The following DENND1A variants were observed in gnomAD, a reference collection of about 807,000 sequenced individuals.
DENND1A encodes DENN domain-containing protein 1A.
In DENND1A, 51 loss-of-function variants were observed where a neutral mutation model predicts 113.7. That is an observed-to-expected ratio of 0.45 (90% CI 0.36 to 0.57). DENND1A has a LOEUF of 0.57. DENND1A is among the 20% of genes least tolerant of loss of function. DENND1A has a pLI of 0.00. For missense variants in DENND1A, 1,258 were observed against 1,395.9 expected, an observed-to-expected ratio of 0.90 and a Z score of 1.57; for synonymous variants, 565 against 570.8, an observed-to-expected ratio of 0.99 and a Z score of 0.14.
intron 5 of DENND1A, among the ~76,000 whole-genome samples, chr9:123,679,941 A>C (rs2064333548): frequency 6.6e-6 from 1 of 152,034 alleles, no homozygotes; most frequent in Admixed American, 6.5e-5. Context: ...CCCACTGCGG[A>C]GTACCACAGT....
rs60761810 is a variant in DENND1A, at chr9:123,728,479, CAAAAAAAAA to C, written c.302+29215_302+29223del. 6.0e-4 allele frequency among the ~76,000 whole-genome samples: 15 copies of C among 25,196 alleles called. No homozygotes were observed. The South Asian group carries it at 8.9e-3, about 15-fold the overall frequency. 16.5% of individuals were successfully genotyped at this position (25,196 alleles called of 152,430 possible). On this transcript the variant is annotated intron_variant, in intron 5 of 23. Transcript: ENST00000394215. ...GCAACAATTGCAAAACTCTGTCTCC[CAAAAAAAAA>C]AAAAAAAAAAAAAAAAAAAAAACAG... is the stretch of plus-strand genomic sequence containing the variant.
intron 18 of DENND1A, among the ~76,000 whole-genome samples, chr9:123,447,429 A>G (rs2047385995): frequency 6.6e-6 from 1 of 152,210 alleles, no homozygotes; most frequent in Non-Finnish European, 1.5e-5. Flanking sequence ...GAAAATCTGC[A>G]GCACAAATGA....
Position 123,505,812 on chromosome 9 carries a change from A to G in DENND1A, c.994-47915T>C, listed in dbSNP as rs183202460. Among the ~76,000 whole-genome samples the G allele has an allele frequency of 2.6e-5, 4 of 152,326 alleles. No individual in the cohort carries two copies. In the East Asian group the frequency reaches 7.7e-4, roughly 29 times the overall value. On this transcript the variant is annotated intron_variant, in intron 13 of 23. Transcript: ENST00000394215. ...CAAACTAGCTTTGAAATTTAGAAATAGAATATTTAAAGGTCCCCCAGCGAC... is the reference window on the plus strand; with the variant it reads ...CAAACTAGCTTTGAAATTTAGAAATGGAATATTTAAAGGTCCCCCAGCGAC...
At position 123,902,560 on chromosome 9, in the gene DENND1A, A is replaced by C. The variant is rs573510013; in HGVS notation, c.18-23539T>G. 3.9e-4 allele frequency among the ~76,000 whole-genome samples: 60 copies of C among 152,312 alleles called. 1 individual carries two copies. The highest frequency in any genetic ancestry group is 9.6e-5 in the African/African-American group (4 of 41,564). Reference sequence around the variant, plus strand: ...TCAACCACCTGTGGCAAAACAGCAAATCTAGATAGAGCTCTCCTTACTCAA... The same window carrying C: ...TCAACCACCTGTGGCAAAACAGCAACTCTAGATAGAGCTCTCCTTACTCAA... On this transcript the variant is annotated intron_variant, in intron 1 of 23. Coordinates refer to ENST00000394215, the MANE Select transcript of DENND1A (RefSeq NM_001352964.2).
chr9:123,903,973 T>C (rs554700177), intron 1 of DENND1A, among the ~76,000 whole-genome samples: 2 of 152,230 alleles, frequency 1.3e-5, no homozygotes, highest in Admixed American at 1.3e-4. Flanking sequence ...AATGTCCCTG[T>C]CTGACAGCTT....
At chr9:123,780,133 C>G (rs1483728910) in intron 3 of DENND1A, among the ~76,000 whole-genome samples, 1 of 152,170 alleles carries the variant, frequency 6.6e-6, no homozygotes, top group African/African-American at 2.4e-5. Context: ...GGATTACAGG[C>G]GTGAGCCACC....
chr9:123,420,150 G>A (rs967886310), intron 19 of DENND1A, among the ~76,000 whole-genome samples: 16 of 152,230 alleles, frequency 1.1e-4, no homozygotes, highest in Non-Finnish European at 2.2e-4. Flanking sequence ...CACTCACACA[G>A]GGCAACAAGG....
chr9:123,799,469 T>C (rs1193918248), intron 2 of DENND1A, among the ~76,000 whole-genome samples: 2 of 152,026 alleles, frequency 1.3e-5, no homozygotes, highest in Non-Finnish European at 2.9e-5. Flanking sequence ...GCAGGTACCA[T>C]GGGGCTTGGT....
intron 4 of DENND1A, among the ~76,000 whole-genome samples, chr9:123,769,183 C>A (rs1010353244): frequency 6.6e-6 from 1 of 152,042 alleles, no homozygotes; most frequent in African/African-American, 2.4e-5. Flanking sequence ...CTTGTTTAAG[C>A]CAAATATATT....
At chr9:123,449,484 G>A (rs575330300) in intron 18 of DENND1A, among the ~76,000 whole-genome samples, 341 of 149,750 alleles carry the variant, frequency 2.3e-3, no homozygotes, top group Non-Finnish European at 3.8e-3. Context: ...GCAGTGAGCC[G>A]AGATCGCGCC....
At chr9:123,591,724 T>G (rs548071218) in intron 11 of DENND1A, among the ~76,000 whole-genome samples, 11 of 152,324 alleles carry the variant, frequency 7.2e-5, no homozygotes, top group Non-Finnish European at 1.3e-4. Flanking sequence ...CTAGATCCAC[T>G]CTACTGGGAG....
intron 13 of DENND1A, among the ~76,000 whole-genome samples, chr9:123,539,372 C>T (rs1187686990): frequency 6.6e-6 from 1 of 152,008 alleles, no homozygotes; most frequent in Admixed American, 6.5e-5. Flanking sequence ...GAGGAGGAAC[C>T]TATAAGTTGA....
At chr9:123,900,817 T>C (rs987170458) in intron 1 of DENND1A, among the ~76,000 whole-genome samples, 7 of 152,204 alleles carry the variant, frequency 4.6e-5, no homozygotes, top group Admixed American at 1.3e-4. Context: ...ACTTGATAGC[T>C]CTGTGACCTT....
intron 5 of DENND1A, among the ~76,000 whole-genome samples, chr9:123,703,804 C>A (rs2066019383): frequency 6.6e-6 from 1 of 151,862 alleles, no homozygotes; most frequent in Non-Finnish European, 1.5e-5. Flanking sequence ...TTGCCTAGGG[C>A]CAGGGGAGGT....
In DENND1A at chr9:123,764,454, C is replaced by T. The variant is rs530672664; in HGVS notation, c.182+5060G>A. ...ATCTCCCAGCCTTTAGTTCCGTAAG[C>T]CTCAAAGCTTCCTTCCACAAACACA... On this transcript the variant is annotated intron_variant, in intron 4 of 23. Transcript: ENST00000394215. This position sits in a 1 kb window ranked among gnomAD's most constrained non-coding sequence, Gnocchi z 4.1. Among the ~76,000 whole-genome samples the T allele has an allele frequency of 6.6e-6, 1 of 152,288 alleles. No homozygotes were observed. The highest frequency in any genetic ancestry group is 2.1e-4 in the South Asian group (1 of 4,826).
At chr9:123,438,257 G>A (rs1001427679) in intron 19 of DENND1A, among the ~76,000 whole-genome samples, 1 of 152,168 alleles carries the variant, frequency 6.6e-6, no homozygotes, top group Non-Finnish European at 1.5e-5. Context: ...AAGCTGGAAA[G>A]AGTTAAAAGA....
intron 7 of DENND1A, among the ~76,000 whole-genome samples, 195 bp downstream of exon 7, chr9:123,671,096 C>G (rs1055988374): frequency 5.9e-5 from 9 of 152,116 alleles, no homozygotes; most frequent in Non-Finnish European, 7.4e-5. Context: ...CAGGACATGT[C>G]TGTTTCTTAT....
chr9:123,485,238 G>T (rs117258718), intron 13 of DENND1A, among the ~76,000 whole-genome samples: 1 of 152,164 alleles, frequency 6.6e-6, no homozygotes, highest in East Asian at 1.9e-4. Flanking sequence ...AAATCTGCTC[G>T]TGATTATAAA....
At chr9:123,602,069 TG>T (rs781013686) in intron 11 of DENND1A, among the ~76,000 whole-genome samples, 10 of 152,200 alleles carry the variant, frequency 6.6e-5, no homozygotes, top group Non-Finnish European at 1.5e-4. Context: ...GCTGAAGGCC[TG>T]GGTACAAATT....
Sources: gnomAD v4.1 joint callset for allele counts (sites outside exome capture counted in the v4.1 genomes callset) on GRCh38, gnomAD v4.1.1 for gene constraint, Gnocchi (gnomAD v3.1) non-coding constraint, MANE v1.5 for transcripts, NCBI Gene and HGNC (gene_info 2026-07-23, HGNC 2026-07-21) for gene names.